Variants in GALNT14 observed in about 807,000 individuals in gnomAD.
GALNT14 encodes UDP-GalNAc:polypeptide N-acetylgalactosaminyltransferase 14.
GALNT14 carries 60 observed loss-of-function variants against 77.5 expected under a neutral mutation model. The observed-to-expected ratio is 0.77, with a 90% CI of 0.63 to 0.96. GALNT14 has a LOEUF of 0.96. Among genes scored for constraint, GALNT14 ranks in the 40% least tolerant of loss-of-function variants. The probability of loss-of-function intolerance (pLI) is 0.00; values close to 1 mark genes in which losing one functional copy is unlikely to be tolerated. For synonymous variants in GALNT14, 280 were observed against 281.7 expected (o/e 0.99, Z 0.06); for missense variants, 710 against 731.0 (o/e 0.97, Z 0.33).
At chr2:31,122,596 C>A (rs1384272113) in intron 1 of GALNT14, among the ~76,000 whole-genome samples, 1 of 152,148 alleles carries the variant, frequency 6.6e-6, no homozygotes, top group Non-Finnish European at 1.5e-5. Context: ...GTCTGAGATT[C>A]TGCATTTCTA....
intron 6 of GALNT14, among the ~76,000 whole-genome samples, chr2:30,954,109 G>T (rs538790355): frequency 6.6e-6 from 1 of 152,168 alleles, no homozygotes; most frequent in Non-Finnish European, 1.5e-5. Context: ...AGCCGTGGAC[G>T]AGGCCCCACA....
the GALNT14 span, among the ~76,000 whole-genome samples, chr2:30,898,527 C>G: frequency 6.6e-6 from 1 of 152,182 alleles, no homozygotes; most frequent in African/African-American, 2.4e-5. Flanking sequence ...AGCTCCTTCA[C>G]AGAGGAGAAA....
chr2:31,124,703 C>T (rs1258894020), intron 1 of GALNT14, among the ~76,000 whole-genome samples: 1 of 152,160 alleles, frequency 6.6e-6, no homozygotes, highest in East Asian at 1.9e-4. Context: ...TCACTGCAAC[C>T]TCCCAGGCAC....
At chr2:31,088,522 G>T (rs143491472) in intron 1 of GALNT14, among the ~76,000 whole-genome samples, 1 of 152,172 alleles carries the variant, frequency 6.6e-6, no homozygotes, top group Non-Finnish European at 1.5e-5. Context: ...GAGAATGAGC[G>T]ATGTGTGGCA....
chr2:30,950,268 T>A (rs944715916), intron 6 of GALNT14, among the ~76,000 whole-genome samples: 3 of 151,228 alleles, frequency 2.0e-5, no homozygotes, highest in African/African-American at 7.3e-5. Flanking sequence ...GAAAAAAAAA[T>A]AAGCTTATGT....
At chr2:31,047,088 C>A (rs866062317) in intron 1 of GALNT14, among the ~76,000 whole-genome samples, 6 of 152,116 alleles carry the variant, frequency 3.9e-5, no homozygotes, top group Non-Finnish European at 7.3e-5. Context: ...CCCCACAGAA[C>A]CCTGAAGAAC....
chr2:31,128,415 C>A lies in GALNT14; in HGVS notation c.129+9543G>T, dbSNP rs559158727. 5.3e-5 allele frequency among the ~76,000 whole-genome samples: 8 copies of A among 152,278 alleles called. No homozygotes were observed. In the South Asian group the frequency reaches 1.5e-3, roughly 28 times the overall value. ...CTAAAGTCACTTCCTGGAGTCATTT[C>A]CCCAGGCACTTGCTTGCATTTCAAA... On this transcript the variant is annotated intron_variant, in intron 1 of 14. Transcript: ENST00000349752.
chr2:30,966,938 G>A (rs957206864), intron 2 of GALNT14, among the ~76,000 whole-genome samples: 5 of 152,088 alleles, frequency 3.3e-5, no homozygotes, highest in East Asian at 1.9e-4. Context: ...TTAATACCTC[G>A]CTGCAAGTGA....
intron 3 of GALNT14, among the ~76,000 whole-genome samples, chr2:30,961,169 C>T (rs183324566): frequency 6.6e-6 from 1 of 152,362 alleles, no homozygotes; most frequent in Admixed American, 6.5e-5. Context: ...TCATTTCCTC[C>T]TGTAATTACA....
intron 1 of GALNT14, among the ~76,000 whole-genome samples, chr2:31,124,966 T>C (rs1678631024): frequency 6.6e-6 from 1 of 152,198 alleles, no homozygotes; most frequent in African/African-American, 2.4e-5. Context: ...TGCAGGACAC[T>C]TGACAGTCAC....
intron 1 of GALNT14, among the ~76,000 whole-genome samples, chr2:31,037,632 A>C (rs1191896669): frequency 6.6e-6 from 1 of 152,112 alleles, no homozygotes; most frequent in Non-Finnish European, 1.5e-5. Flanking sequence ...AACTATGGAA[A>C]TCTTTCCCCA....
chr2:30,895,303 G>C, the GALNT14 span, among the ~76,000 whole-genome samples: 83 of 151,684 alleles, frequency 5.5e-4, no homozygotes, highest in African/African-American at 1.9e-3. Flanking sequence ...AGGACATGCA[G>C]GTAATGGAGT....
At chr2:31,074,221 A>G (rs1391260687) in intron 1 of GALNT14, among the ~76,000 whole-genome samples, 5 of 152,186 alleles carry the variant, frequency 3.3e-5, no homozygotes, top group African/African-American at 9.7e-5. Context: ...CACGGCCTGC[A>G]GAGTCAGCCC....
At chr2:30,929,069 C>T (rs1665560584) in intron 11 of GALNT14, among the ~76,000 whole-genome samples, 1 of 152,188 alleles carries the variant, frequency 6.6e-6, no homozygotes, top group Non-Finnish European at 1.5e-5. Context: ...GAAGAAGTCC[C>T]ACCTAGAAGG....
chr2:30,991,569 C>G (rs963766506), intron 2 of GALNT14: 1 of 152,224 alleles, frequency 6.6e-6, no homozygotes, highest in African/African-American at 2.4e-5. Flanking sequence ...GGAACTGCTG[C>G]TAAGGCAGAG....
chr2:31,122,092 G>A (rs1678441671), intron 1 of GALNT14, among the ~76,000 whole-genome samples: 1 of 152,234 alleles, frequency 6.6e-6, no homozygotes, highest in African/African-American at 2.4e-5. Flanking sequence ...AGGAGAATGG[G>A]ATACAGCCAG....
chr2:31,065,000 G>T, intron 1 of GALNT14: 1 of 150,462 alleles, frequency 6.6e-6, no homozygotes. Context: ...ACACTTTCAG[G>T]CTGGCTGAGC....
At chr2:31,064,893 A>C (rs968050825) in intron 1 of GALNT14, among the ~76,000 whole-genome samples, 1 of 151,898 alleles carries the variant, frequency 6.6e-6, no homozygotes, top group African/African-American at 2.4e-5. Context: ...TGATCTCCAG[A>C]ATAAACAAAG....
chr2:31,138,354 C>T lies in GALNT14; in HGVS notation c.-268G>A. ...GACGCCCGCTCCAGCGGGAGAAGCG[C>T]GGTGGCTGCCGAGATGTTCCCCACG... is the stretch of plus-strand genomic sequence containing the variant. On this transcript the variant is annotated 5_prime_UTR_variant, in exon 1 of 15. Coordinates refer to ENST00000349752, the MANE Select transcript of GALNT14 (RefSeq NM_024572.4). The T allele has an allele frequency of 2.2e-6, 1 of 450,346 alleles. No individual in the cohort carries two copies. The highest frequency in any genetic ancestry group is 3.9e-6 in the Non-Finnish European group (1 of 255,198). The allele number at this position is 450,346 out of a possible 1,614,324, so 27.9% of individuals were successfully genotyped here. A position where few individuals can be genotyped will look rare whatever the true frequency, so the allele number is the denominator to read the frequency against.
Sources: allele counts gnomAD v4.1 joint callset (sites outside exome capture counted in the v4.1 genomes callset), GRCh38; gene constraint gnomAD v4.1.1; transcripts MANE v1.5; gene names NCBI Gene and HGNC (gene_info 2026-07-23, HGNC 2026-07-21).